Variants in PPP1R12A observed in about 807,000 individuals in gnomAD.
PPP1R12A encodes myosin binding subunit.
In PPP1R12A, 19 loss-of-function variants were observed where a neutral mutation model predicts 139.6. That is an observed-to-expected ratio of 0.14 (90% CI 0.09 to 0.20). PPP1R12A has a LOEUF of 0.20. PPP1R12A is among the 10% of genes least tolerant of loss of function. The pLI is 1.00. For missense variants in PPP1R12A, 925 were observed against 1,211.5 expected (o/e 0.76, Z 3.51); for synonymous variants, 427 against 420.6 (o/e 1.02, Z -0.19).
chr12:79,926,775 G>A (rs115970266), intron 1 of PPP1R12A, among the ~76,000 whole-genome samples: 2,819 of 151,946 alleles, frequency 0.019, 91 homozygotes, highest in African/African-American at 0.065. Context: ...TACCTTAAGG[G>A]TATATAAGGG....
chr12:79,790,053 C>T (rs957915685), intron 20 of PPP1R12A, among the ~76,000 whole-genome samples: 21 of 151,846 alleles, frequency 1.4e-4, no homozygotes, highest in Admixed American at 5.9e-4. Flanking sequence ...TCCCCAAGTG[C>T]TAGGATTAAG....
intron 1 of PPP1R12A, among the ~76,000 whole-genome samples, chr12:79,933,122 C>T (rs796173384): frequency 2.0e-5 from 3 of 152,268 alleles, no homozygotes; most frequent in African/African-American, 7.2e-5. Context: ...AAATAAACTT[C>T]ACCCAAATAA....
At position 79,934,999 on chromosome 12, in the gene PPP1R12A, G is replaced by A; in HGVS notation, c.-68C>T. 2.0e-6 allele frequency: 3 copies of A among 1,494,776 alleles called. No homozygotes were observed. The highest frequency in any genetic ancestry group is 1.3e-5 in the South Asian group (1 of 76,118). The allele number at this position is 1,494,776 out of a possible 1,614,324, so 92.6% of individuals were successfully genotyped here. ...GGGGGAGGCGGAGAGGGAAGAGAGG[G>A]GAGGCAGGGGGTGTGTGAATGTTTC... On this transcript the variant is annotated 5_prime_UTR_variant, in exon 1 of 25. Coordinates refer to ENST00000450142, the MANE Select transcript of PPP1R12A (RefSeq NM_002480.3).
At chr12:79,794,654 A>G (rs888037927) in intron 18 of PPP1R12A, among the ~76,000 whole-genome samples, 1 of 152,112 alleles carries the variant, frequency 6.6e-6, no homozygotes, top group African/African-American at 2.4e-5. Flanking sequence ...AAGCTTTTCA[A>G]AAAAGCAGAA....
rs772259807 is a variant in PPP1R12A, at chr12:79,806,339, CAA to C, written c.1656-8_1656-7del. 8.7e-6 allele frequency: 14 copies of C among 1,609,792 alleles called. No individual in the cohort carries two copies. Among genetic ancestry groups the C allele is most frequent in the Non-Finnish European group, 1.2e-5 (14 of 1,176,536 alleles). ...GTCTTCTACCAAAGGAGCAACTAAA[CAA>C]AAGAGTCATATCTATATAGGATGTG... is the stretch of plus-strand genomic sequence containing the variant. On this transcript the variant is annotated splice_region_variant and splice_polypyrimidine_tract_variant and intron_variant, in intron 12 of 24. Coordinates refer to ENST00000450142, the MANE Select transcript of PPP1R12A (RefSeq NM_002480.3).
At chr12:79,903,947 T>C (rs551382743) in intron 1 of PPP1R12A, among the ~76,000 whole-genome samples, 1 of 152,278 alleles carries the variant, frequency 6.6e-6, no homozygotes, top group African/African-American at 2.4e-5. Flanking sequence ...GTTGACATCA[T>C]CTACAATCAA....
intron 1 of PPP1R12A, among the ~76,000 whole-genome samples, chr12:79,896,346 T>C (rs1885130063): frequency 6.6e-6 from 1 of 152,202 alleles, no homozygotes; most frequent in African/African-American, 2.4e-5. Context: ...TTTATTTATT[T>C]GTTTGAGACA....
chr12:79,861,930 T>C (rs1273744283), intron 2 of PPP1R12A, among the ~76,000 whole-genome samples: 2 of 152,110 alleles, frequency 1.3e-5, no homozygotes, highest in African/African-American at 4.8e-5. Context: ...GACTTAAACG[T>C]CTGTGCCTAA....
intron 1 of PPP1R12A, among the ~76,000 whole-genome samples, chr12:79,897,566 C>T (rs982817985): frequency 1.3e-5 from 2 of 151,772 alleles, no homozygotes; most frequent in African/African-American, 4.8e-5. Flanking sequence ...TACCAAAAAG[C>T]AAAACAAAAC....
intron 3 of PPP1R12A, among the ~76,000 whole-genome samples, chr12:79,837,191 A>G (rs532105898): frequency 6.6e-6 from 1 of 152,278 alleles, no homozygotes; most frequent in South Asian, 2.1e-4. Flanking sequence ...AATAATATAT[A>G]ATAAAACTAA....
intron 3 of PPP1R12A, among the ~76,000 whole-genome samples, chr12:79,844,032 A>G (rs1013347297): frequency 2.0e-5 from 3 of 152,110 alleles, no homozygotes; most frequent in South Asian, 4.1e-4. Flanking sequence ...ACATACATAT[A>G]TATACACACA....
At chr12:79,887,656 A>G (rs1884231667) in intron 1 of PPP1R12A, among the ~76,000 whole-genome samples, 1 of 152,158 alleles carries the variant, frequency 6.6e-6, no homozygotes, top group East Asian at 1.9e-4. Context: ...ATCGTTTATC[A>G]GATGTGGTTC....
chr12:79,930,532 G>T (rs1443461680), intron 1 of PPP1R12A, among the ~76,000 whole-genome samples: 1 of 152,140 alleles, frequency 6.6e-6, no homozygotes, highest in Non-Finnish European at 1.5e-5. Context: ...CAGCACTTTG[G>T]GAGGCCGAGG....
intron 2 of PPP1R12A, among the ~76,000 whole-genome samples, chr12:79,870,954 A>G (rs968464815): frequency 7.9e-5 from 12 of 152,224 alleles, no homozygotes; most frequent in Non-Finnish European, 1.6e-4. Context: ...TCTTTGATGT[A>G]CACAGAATAC....
intron 5 of PPP1R12A, chr12:79,825,020 T>A (rs1298654877): frequency 6.6e-6 from 1 of 152,114 alleles, no homozygotes; most frequent in Non-Finnish European, 1.5e-5. Context: ...CAACAACGAA[T>A]AATGTAGCTG....
At chr12:79,871,142 C>T (rs951430763) in intron 2 of PPP1R12A, among the ~76,000 whole-genome samples, 1 of 152,140 alleles carries the variant, frequency 6.6e-6, no homozygotes, top group Non-Finnish European at 1.5e-5. Context: ...CAGGTCCTTG[C>T]TGACATCACT....
intron 22 of PPP1R12A, among the ~76,000 whole-genome samples, 173 bp downstream of exon 22, chr12:79,786,201 G>T (rs574795445): frequency 6.6e-6 from 1 of 152,162 alleles, no homozygotes; most frequent in South Asian, 2.1e-4. Context: ...TTTTGACTAT[G>T]ACTATTTTTT....
chr12:79,901,940 G>C (rs1251819521), intron 1 of PPP1R12A, among the ~76,000 whole-genome samples: 3 of 152,130 alleles, frequency 2.0e-5, no homozygotes, highest in Non-Finnish European at 4.4e-5. Flanking sequence ...GTGAGGATAA[G>C]GGATGGAAAG....
intron 1 of PPP1R12A, among the ~76,000 whole-genome samples, chr12:79,875,113 T>C (rs1300499994): frequency 6.6e-6 from 1 of 152,212 alleles, no homozygotes; most frequent in Non-Finnish European, 1.5e-5. Flanking sequence ...TACTAGATTG[T>C]AAACTCCATA....
Sources: allele counts gnomAD v4.1 joint callset (sites outside exome capture counted in the v4.1 genomes callset), GRCh38; gene constraint gnomAD v4.1.1; transcripts MANE v1.5; gene names NCBI Gene and HGNC (gene_info 2026-07-23, HGNC 2026-07-21).